The following COX17 variants were observed in gnomAD, a reference collection of about 807,000 sequenced individuals.
COX17 encodes cytochrome c oxidase copper chaperone.
In COX17, 1 loss-of-function variant was observed where a neutral mutation model predicts 6.3. The observed-to-expected ratio is 0.16, with a 90% CI of 0.06 to 0.75. The LOEUF (loss-of-function observed/expected upper bound fraction) is 0.75. Among genes scored for constraint, COX17 ranks in the 30% least tolerant of loss-of-function variants. COX17 has a pLI of 0.77. For synonymous variants in COX17, 26 were observed against 30.5 expected (o/e 0.85, Z 0.49); for missense variants, 73 against 81.2 (o/e 0.90, Z 0.39).
intron 2 of COX17, among the ~76,000 whole-genome samples, chr3:119,671,034 A>G (rs2053038671): frequency 6.6e-6 from 1 of 152,128 alleles, no homozygotes; most frequent in African/African-American, 2.4e-5. Context: ...AATAGAAAAA[A>G]ATTGTCTAAA....
At chr3:119,676,341 T>C (rs1365677215) in intron 1 of COX17, among the ~76,000 whole-genome samples, 4 of 152,262 alleles carry the variant, frequency 2.6e-5, no homozygotes, top group Non-Finnish European at 5.9e-5. Flanking sequence ...ACTGAGCTCC[T>C]ACACTCTTAT....
chr3:119,676,938 A>G (rs765664802), intron 1 of COX17: 4 of 684,104 alleles, frequency 5.8e-6, no homozygotes, highest in South Asian at 4.5e-5. Flanking sequence ...AAGCTACGGG[A>G]TAAGTCAACA....
At chr3:119,666,236 A>G (rs1206762583), downstream of COX17, among the ~76,000 whole-genome samples, 1 of 152,230 alleles carries the variant, frequency 6.6e-6, no homozygotes, top group African/African-American at 2.4e-5. Flanking sequence ...TGGCTCAATC[A>G]GACCTTTAAA....
At chr3:119,676,966 C>T in intron 1 of COX17, 2 of 693,742 alleles carry the variant, frequency 2.9e-6, no homozygotes, top group Non-Finnish European at 2.6e-6. Context: ...GACCACGAAA[C>T]CTACAAGGCC....
At chr3:119,666,810 G>C (rs189457181), downstream of COX17, 1 of 152,284 alleles carries the variant, frequency 6.6e-6, no homozygotes, top group East Asian at 1.9e-4. Flanking sequence ...GCTGTTCCCT[G>C]CAAATAATAG....
At chr3:119,665,586 C>T (rs766608648), downstream of COX17, among the ~76,000 whole-genome samples, 20 of 152,150 alleles carry the variant, frequency 1.3e-4, no homozygotes, top group Non-Finnish European at 2.8e-4. Flanking sequence ...GTTGCCCAGG[C>T]CAGTCTTGAA....
intron 2 of COX17, 56 bp downstream of exon 2, chr3:119,675,089 G>T: frequency 8.4e-7 from 1 of 1,196,590 alleles, no homozygotes; most frequent in Non-Finnish European, 1.2e-6. Context: ...AGAGAATGTA[G>T]CCCAATTGTT....
intron 1 of COX17, 180 bp downstream of exon 1, chr3:119,677,024 G>GGGGCGGGGC (rs1491478893): frequency 8.5e-5 from 1 of 11,822 alleles, no homozygotes; most frequent in Middle Eastern, 0.045. Context: ...GGGGCGGGGC[G>GGGGCGGGGC]GGGGGGGGGG....
chr3:119,669,952 G>A (rs764816498), intron 2 of COX17, among the ~76,000 whole-genome samples: 7 of 152,100 alleles, frequency 4.6e-5, no homozygotes, highest in Admixed American at 2.0e-4. Flanking sequence ...GTGTGTGTTT[G>A]AGAAATACAT....
downstream of COX17, among the ~76,000 whole-genome samples, chr3:119,666,279 T>C (rs2052991498): frequency 6.6e-6 from 1 of 152,158 alleles, no homozygotes; most frequent in South Asian, 2.1e-4. Context: ...CAGGGAATGG[T>C]TTCTCTCTCT....
chr3:119,676,939 T>C (rs1284338762), intron 1 of COX17: 2 of 691,940 alleles, frequency 2.9e-6, no homozygotes, highest in Non-Finnish European at 5.3e-6. Flanking sequence ...AGCTACGGGA[T>C]AAGTCAACAG....
chr3:119,674,079 G>A (rs1288485015), intron 2 of COX17, among the ~76,000 whole-genome samples: 1 of 150,726 alleles, frequency 6.6e-6, no homozygotes, highest in Non-Finnish European at 1.5e-5. Context: ...GGGATGTGAG[G>A]AGCGCCTCTG....
At chr3:119,673,896 C>T (rs182930987) in intron 2 of COX17, among the ~76,000 whole-genome samples, 12 of 152,182 alleles carry the variant, frequency 7.9e-5, no homozygotes, top group Non-Finnish European at 1.0e-4. Flanking sequence ...TGCCACTGCC[C>T]GGCTGCCCAC....
Position 119,675,140 on chromosome 3 carries a change from C to T in COX17, c.*4+5G>A. On this transcript the variant is annotated splice_donor_5th_base_variant and intron_variant, in intron 2 of 2. Coordinates refer to ENST00000261070, the MANE Select transcript of COX17 (RefSeq NM_005694.2). The stretch of plus-strand genomic sequence containing the variant: ...CAATACACAACTTTGAAGCAAGAAG[C>T]TTACCATTTCATATTTTAAATCCTA... 1 of 1,600,282 alleles carries T rather than the reference C, an allele frequency of 6.2e-7. No homozygotes were observed. The highest frequency in any genetic ancestry group is 2.2e-5 in the East Asian group (1 of 44,778).
rs571158479 is a variant in COX17, at chr3:119,677,107, A to T, written c.107+97T>A. The T allele has an allele frequency of 1.2e-5, 10 of 824,778 alleles. No homozygotes were observed. The South Asian group carries it at 1.3e-4, about 11-fold the overall frequency. 51.1% of individuals were successfully genotyped at this position (824,778 alleles called of 1,614,324 possible). On this transcript the variant is annotated intron_variant, in intron 1 of 2. Transcript: ENST00000261070. ...GGGCAGAAGGCAGAGGGCAGAGGGCAGAAGGCAGAGGGCAGAGGCCGTAGG... is the reference window on the plus strand; with the variant it reads ...GGGCAGAAGGCAGAGGGCAGAGGGCTGAAGGCAGAGGGCAGAGGCCGTAGG...
At chr3:119,674,059 T>C (rs111424643) in intron 2 of COX17, among the ~76,000 whole-genome samples, 1 of 148,662 alleles carries the variant, frequency 6.7e-6, no homozygotes, top group East Asian at 2.0e-4. Flanking sequence ...GCCCAGCTGC[T>C]GCCCCGTCTG....
intron 2 of COX17, among the ~76,000 whole-genome samples, chr3:119,673,756 G>GT (rs2053068862): frequency 6.6e-6 from 1 of 152,242 alleles, no homozygotes; most frequent in African/African-American, 2.4e-5. Flanking sequence ...AAACAAAAGA[G>GT]TATCATTTGT....
chr3:119,667,672 A>C (rs2053004481), downstream of COX17, among the ~76,000 whole-genome samples: 1 of 144,214 alleles, frequency 6.9e-6, no homozygotes, highest in Non-Finnish European at 1.5e-5. Flanking sequence ...AAAAAAAAAA[A>C]AGAAAGTAAA....
At chr3:119,677,143 CG>C in intron 1 of COX17, 60 bp downstream of exon 1, 2 of 1,374,036 alleles carry the variant, frequency 1.5e-6, no homozygotes, top group Admixed American at 1.8e-5. Context: ...GCAGAGGCAC[CG>C]GAAGGCACAG....
Sources: gnomAD v4.1 joint callset for allele counts (sites outside exome capture counted in the v4.1 genomes callset) on GRCh38, gnomAD v4.1.1 for gene constraint, MANE v1.5 for transcripts, NCBI Gene and HGNC (gene_info 2026-07-23, HGNC 2026-07-21) for gene names.